FAM83D: variants seen among roughly 807,000 people sequenced by gnomAD.
FAM83D encodes scaffolding CK1 anchoring protein D.
A neutral mutation model predicts 25.4 loss-of-function variants in FAM83D; 26 were observed. The observed-to-expected ratio is 1.02, with a 90% CI of 0.75 to 1.42. The LOEUF (loss-of-function observed/expected upper bound fraction) is 1.42, where lower values mean the gene tolerates loss of function less well. FAM83D is among the 40% of genes most tolerant of loss of function. The pLI is 0.00. For missense variants in FAM83D, 740 were observed against 758.1 expected (o/e 0.98, Z 0.28); for synonymous variants, 310 against 318.5 (o/e 0.97, Z 0.28).
intron 3 of FAM83D, 49 bp from the exon 4 acceptor site, chr20:38,951,490 A>C (rs756934806): frequency 1.3e-6 from 2 of 1,564,348 alleles, no homozygotes; most frequent in African/African-American, 2.7e-5. Flanking sequence ...GAGTAAAACA[A>C]AATTGCTCAT....
Position 38,947,850 on chromosome 20 carries a change from ATATTTCTCCC to A in FAM83D, c.652-25_652-16del. 1 of 1,612,124 alleles carries A rather than the reference ATATTTCTCCC, an allele frequency of 6.2e-7. No individual in the cohort carries two copies. Among genetic ancestry groups the A allele is most frequent in the Non-Finnish European group, 8.5e-7 (1 of 1,178,898 alleles). ...ATGAGTATTGCTGAATTGTTCATTT[ATATTTCTCCC>A]ACTCCCTGCCAACAGTTAATGACAG... On this transcript the variant is annotated splice_polypyrimidine_tract_variant and intron_variant, in intron 2 of 3. Coordinates refer to ENST00000619850, the MANE Select transcript of FAM83D (RefSeq NM_030919.3).
At chr20:38,945,572 CTT>C (rs1312926924) in intron 2 of FAM83D, among the ~76,000 whole-genome samples, 1 of 152,120 alleles carries the variant, frequency 6.6e-6, no homozygotes, top group Non-Finnish European at 1.5e-5. Context: ...AATTTACAGA[CTT>C]ATACATTTCC....
At chr20:38,943,102 G>A (rs574791595) in intron 2 of FAM83D, among the ~76,000 whole-genome samples, 1 of 150,638 alleles carries the variant, frequency 6.6e-6, no homozygotes, top group Admixed American at 6.6e-5. Flanking sequence ...TAGGCTCACT[G>A]CAACATCCCT....
Position 38,952,591 on chromosome 20 carries a change from ATATCT to A in FAM83D, c.*75_*79del. 1 of 1,497,838 alleles carries A rather than the reference ATATCT, an allele frequency of 6.7e-7. No individual in the cohort carries two copies. The highest frequency in any genetic ancestry group is 9.0e-7 in the Non-Finnish European group (1 of 1,110,744). The allele number at this position is 1,497,838 out of a possible 1,614,324, so 92.8% of individuals were successfully genotyped here. A position where few individuals can be genotyped will look rare whatever the true frequency, so the allele number is the denominator to read the frequency against. On this transcript the variant is annotated 3_prime_UTR_variant, in exon 4 of 4. Coordinates refer to ENST00000619850, the MANE Select transcript of FAM83D (RefSeq NM_030919.3). ...CATCATCAGCTTCCTGCTTTAAAAA[ATATCT>A]TATGTCCCTAATTGCCTTTCTTTTA...
intron 1 of FAM83D, among the ~76,000 whole-genome samples, chr20:38,938,761 C>A (rs906257944): frequency 1.3e-5 from 2 of 152,138 alleles, no homozygotes; most frequent in Admixed American, 1.3e-4. Flanking sequence ...TCTTCTGCAA[C>A]CCTCATTGCT....
chr20:38,940,257 T>G (rs1357270220), intron 1 of FAM83D, among the ~76,000 whole-genome samples: 1 of 152,136 alleles, frequency 6.6e-6, no homozygotes, highest in African/African-American at 2.4e-5. Flanking sequence ...GAGTAACTGG[T>G]CTTCTCAACC....
chr20:38,950,167 G>A (rs1034253005), intron 3 of FAM83D, among the ~76,000 whole-genome samples: 7 of 152,148 alleles, frequency 4.6e-5, no homozygotes, highest in Non-Finnish European at 1.0e-4. Flanking sequence ...CTCCCAAAGG[G>A]TGAAACTCTT....
Position 38,950,711 on chromosome 20 carries a change from G to A in FAM83D, c.777-828G>A, listed in dbSNP as rs181457604. ...CCCCTCTGTGATAATCCCTTTATCT[G>A]GTTTCCTTACCTTTAAGATGGGGGT... On this transcript the variant is annotated intron_variant, in intron 3 of 3. Transcript: ENST00000619850. Among the ~76,000 whole-genome samples, 7 of 150,006 alleles carry A rather than the reference G, an allele frequency of 4.7e-5. No individual in the cohort carries two copies. In the East Asian group the frequency reaches 9.7e-4, roughly 21 times the overall value.
chr20:38,952,729 T>G lies in FAM83D; in HGVS notation c.*209T>G. On this transcript the variant is annotated 3_prime_UTR_variant, in exon 4 of 4. Transcript: ENST00000619850. Reference sequence around the variant, plus strand: ...GGTATTGGTTTTATGGTTTAAACACTATGGATACAGGGGTTTGTTTTGCAC... The same window carrying G: ...GGTATTGGTTTTATGGTTTAAACACGATGGATACAGGGGTTTGTTTTGCAC... 1.6e-6 allele frequency: 1 copy of G among 617,522 alleles called. No individual in the cohort carries two copies. The highest frequency in any genetic ancestry group is 3.2e-5 in the Admixed American group (1 of 30,956). 38.3% of individuals were successfully genotyped at this position (617,522 alleles called of 1,614,324 possible).
intron 1 of FAM83D, among the ~76,000 whole-genome samples, chr20:38,933,745 C>T (rs941052767): frequency 6.6e-6 from 1 of 152,172 alleles, no homozygotes; most frequent in Non-Finnish European, 1.5e-5. Flanking sequence ...GCCGAATCTC[C>T]AGAGCTGTTT....
intron 1 of FAM83D, among the ~76,000 whole-genome samples, chr20:38,931,653 G>C (rs1020838860): frequency 2.6e-5 from 4 of 152,242 alleles, no homozygotes; most frequent in Non-Finnish European, 5.9e-5. Context: ...AAGGAGCCAG[G>C]ATACGAGGCT....
chr20:38,952,735 T>C lies in FAM83D; in HGVS notation c.*215T>C, dbSNP rs142770945. The stretch of plus-strand genomic sequence containing the variant: ...GGTTTTATGGTTTAAACACTATGGA[T>C]ACAGGGGTTTGTTTTGCACAATTTT... On this transcript the variant is annotated 3_prime_UTR_variant, in exon 4 of 4. Coordinates refer to ENST00000619850, the MANE Select transcript of FAM83D (RefSeq NM_030919.3). 3.5e-3 allele frequency: 2,079 copies of C among 599,298 alleles called. 23 individuals are homozygous for C. Among genetic ancestry groups the C allele is most frequent in the African/African-American group, 0.033 (1,797 of 54,076 alleles). 37.1% of individuals were successfully genotyped at this position (599,298 alleles called of 1,614,324 possible).
chr20:38,951,941 A>G lies in FAM83D; in HGVS notation c.1179A>G (p.Thr393=). 6.2e-7 allele frequency: 1 copy of G among 1,614,182 alleles called. No individual in the cohort carries two copies. Among genetic ancestry groups the G allele is most frequent in the Non-Finnish European group, 8.5e-7 (1 of 1,180,034 alleles). Residue 393 remains threonine, a synonymous_variant, in exon 4 of 4, where the codon ACA becomes ACG. Coordinates refer to ENST00000619850, the MANE Select transcript of FAM83D (RefSeq NM_030919.3). ...AGGCCATTGACGCTGCCACTCAAAC[A>G]GAGCCAGGAGAGGAGATGCCAGGGC... The part of the protein sequence containing the change: ...SRKAIDAATQ[T]EPGEEMPGLS...
In FAM83D at chr20:38,952,594, T is replaced by C. The variant is rs1187504944; in HGVS notation, c.*74T>C. The stretch of plus-strand genomic sequence containing the variant: ...CATCAGCTTCCTGCTTTAAAAAATA[T>C]CTTATGTCCCTAATTGCCTTTCTTT... On this transcript the variant is annotated 3_prime_UTR_variant, in exon 4 of 4. Coordinates refer to ENST00000619850, the MANE Select transcript of FAM83D (RefSeq NM_030919.3). 2.0e-6 allele frequency: 3 copies of C among 1,488,488 alleles called. No individual in the cohort carries two copies. The highest frequency in any genetic ancestry group is 2.7e-6 in the Non-Finnish European group (3 of 1,103,740). The allele number at this position is 1,488,488 out of a possible 1,614,324, so 92.2% of individuals were successfully genotyped here. A position where few individuals can be genotyped will look rare whatever the true frequency, so the allele number is the denominator to read the frequency against.
At chr20:38,932,466 C>T (rs775890491) in intron 1 of FAM83D, among the ~76,000 whole-genome samples, 4 of 152,238 alleles carry the variant, frequency 2.6e-5, no homozygotes, top group Non-Finnish European at 4.4e-5. Context: ...AGGCGAGCTT[C>T]ACCAAAATTG....
At chr20:38,942,166 A>C in intron 2 of FAM83D, 40 bp downstream of exon 2, 1 of 1,603,542 alleles carries the variant, frequency 6.2e-7, no homozygotes, top group Non-Finnish European at 8.5e-7. Context: ...ATAGTCAACA[A>C]ATATGACCAA....
rs998130508 is a variant in FAM83D at position 38,953,000 on chromosome 20, T to C, written c.*480T>C. 3.2e-5 allele frequency: 5 copies of C among 153,988 alleles called. No individual in the cohort carries two copies. The highest frequency in any genetic ancestry group is 2.6e-4 in the Admixed American group (4 of 15,580). The allele number at this position is 153,988 out of a possible 1,614,324, so 9.5% of individuals were successfully genotyped here. On this transcript the variant is annotated 3_prime_UTR_variant, in exon 4 of 4. Transcript: ENST00000619850. Reference sequence around the variant, plus strand: ...GTTTTAAAGGTTTGAATCACCAGCATTTTTGTGATCAAAATCCTATTTAGA... The same window carrying C: ...GTTTTAAAGGTTTGAATCACCAGCACTTTTGTGATCAAAATCCTATTTAGA...
At chr20:38,941,564 A>G (rs1035769336) in intron 1 of FAM83D, among the ~76,000 whole-genome samples, 41 of 152,242 alleles carry the variant, frequency 2.7e-4, no homozygotes, top group African/African-American at 8.7e-4. Context: ...GCAACAAGCC[A>G]AAGATGACAG....
intron 1 of FAM83D, among the ~76,000 whole-genome samples, chr20:38,936,720 C>A (rs776338135): frequency 3.9e-5 from 6 of 152,102 alleles, no homozygotes; most frequent in African/African-American, 1.4e-4. Context: ...AACAAGCTAC[C>A]TAACCTCTCC....
Sources: allele counts gnomAD v4.1 joint callset (sites outside exome capture counted in the v4.1 genomes callset), GRCh38; gene constraint gnomAD v4.1.1; transcripts MANE v1.5; gene names NCBI Gene and HGNC (gene_info 2026-07-23, HGNC 2026-07-21).